Variants in AK9 observed in about 807,000 individuals in gnomAD.
AK9 encodes adenylate kinase 9, also known as adenylate kinase domain containing 1.
AK9 carries 191 observed loss-of-function variants against 239.6 expected under a neutral mutation model. The ratio of observed to expected loss-of-function variants is 0.80; its 90% confidence interval spans 0.71 to 0.90. The LOEUF (loss-of-function observed/expected upper bound fraction) is 0.90, where lower values mean the gene tolerates loss of function less well. AK9 is among the 40% of genes least tolerant of loss of function. AK9 has a pLI of 0.00. For synonymous variants in AK9, 689 were observed against 721.0 expected, an observed-to-expected ratio of 0.96 and a Z score of 0.71; for missense variants, 1,995 against 2,214.7, an observed-to-expected ratio of 0.90 and a Z score of 1.99.
intron 8 of AK9, among the ~76,000 whole-genome samples, chr6:109,653,010 T>G (rs1249240128): frequency 6.6e-6 from 1 of 152,060 alleles, no homozygotes; most frequent in African/African-American, 2.4e-5. Flanking sequence ...CACTGCAACC[T>G]CCACCCACTG....
In AK9 at chr6:109,633,028, C is replaced by G. The variant is rs1796297939; in HGVS notation, c.1149G>C (p.Leu383=). Residue 383 remains leucine, a synonymous_variant, in exon 12 of 41, where the codon CTG becomes CTC. Coordinates refer to ENST00000424296, the MANE Select transcript of AK9 (RefSeq NM_001145128.3). ...KPFLLNPRPY[L]LPPMPGPPCK... ...ATGGTGGTCCTGGCATAGGTGGAAG[C>G]AGATAGGGACGTGGGTTCAACAAAA... 1.9e-6 allele frequency: 3 copies of G among 1,594,594 alleles called. No homozygotes were observed. Among genetic ancestry groups the G allele is most frequent in the Non-Finnish European group, 2.6e-6 (3 of 1,173,752 alleles).
At chr6:109,610,278 C>A in intron 17 of AK9, 87 bp downstream of exon 17, 1 of 1,434,686 alleles carries the variant, frequency 7.0e-7, no homozygotes, top group African/African-American at 1.4e-5. Flanking sequence ...CATCATAAGA[C>A]TCTAAAATAA....
chr6:109,512,100 C>G (rs559712301), intron 32 of AK9, among the ~76,000 whole-genome samples: 63 of 152,208 alleles, frequency 4.1e-4, no homozygotes, highest in Admixed American at 1.8e-3. Flanking sequence ...CAGGAAGAGA[C>G]AGAAGGTCAG....
intron 1 of AK9, among the ~76,000 whole-genome samples, chr6:109,686,770 T>C (rs1043268066): frequency 1.3e-5 from 2 of 152,208 alleles, no homozygotes; most frequent in African/African-American, 2.4e-5. Flanking sequence ...AATGAATGCC[T>C]GGTCATGGGA....
chr6:109,579,568 T>G lies in AK9; in HGVS notation c.2173A>C (p.Met725Leu). Residue 725 changes from methionine to leucine, a missense_variant, in exon 20 of 41, where the codon ATG becomes CTG. Transcript: ENST00000424296. ...EEENRRLLELMKVKAKEAEET... is the reference protein window; with the variant it reads ...EEENRRLLELLKVKAKEAEET... ...TGCTTGCCTTTTGCCTTCACTTTCA[T>G]AAGTTCCAGTAGCCTTCGATTTTCT... The G allele has an allele frequency of 6.4e-7, 1 of 1,551,612 alleles. No individual in the cohort carries two copies. Among genetic ancestry groups the G allele is most frequent in the African/African-American group, 1.4e-5 (1 of 73,130 alleles).
In AK9 at chr6:109,535,714, C is replaced by T. The variant is rs185817654; in HGVS notation, c.3351-2244G>A. ...GTCCTGAATGGTATTGCCTAGGTTTCCTTCTAGGGTTTTTATGGTTTTAGG... is the reference window on the plus strand; with the variant it reads ...GTCCTGAATGGTATTGCCTAGGTTTTCTTCTAGGGTTTTTATGGTTTTAGG... On this transcript the variant is annotated intron_variant, in intron 27 of 40. Coordinates refer to ENST00000424296, the MANE Select transcript of AK9 (RefSeq NM_001145128.3). Among the ~76,000 whole-genome samples the T allele has an allele frequency of 4.9e-4, 74 of 152,042 alleles. 1 individual carries two copies. Among genetic ancestry groups the T allele is most frequent in the African/African-American group, 1.7e-3 (72 of 41,498 alleles).
chr6:109,556,006 C>T (rs1194343621), intron 24 of AK9, among the ~76,000 whole-genome samples: 1 of 152,126 alleles, frequency 6.6e-6, no homozygotes, highest in Non-Finnish European at 1.5e-5. Flanking sequence ...AGCCCATTTA[C>T]ATTTAAGGTT....
intron 24 of AK9, among the ~76,000 whole-genome samples, chr6:109,552,123 T>C (rs1170345292): frequency 6.6e-6 from 1 of 152,216 alleles, no homozygotes; most frequent in Non-Finnish European, 1.5e-5. Flanking sequence ...CAGTCTATCA[T>C]TGATGGGCAT....
chr6:109,601,189 T>C (rs1463320117), intron 17 of AK9, among the ~76,000 whole-genome samples: 1 of 152,214 alleles, frequency 6.6e-6, no homozygotes, highest in Non-Finnish European at 1.5e-5. Context: ...TTTTAGATCT[T>C]GCCTGCTTTC....
intron 12 of AK9, among the ~76,000 whole-genome samples, chr6:109,626,695 C>T (rs981501206): frequency 6.6e-6 from 1 of 152,094 alleles, no homozygotes; most frequent in South Asian, 2.1e-4. Context: ...AACTGTAACA[C>T]AATGTTAAGG....
At chr6:109,542,708 T>A (rs536612147) in intron 26 of AK9, among the ~76,000 whole-genome samples, 1 of 152,216 alleles carries the variant, frequency 6.6e-6, no homozygotes, top group East Asian at 1.9e-4. Context: ...GTGTTGCTTA[T>A]AAACATTTAA....
chr6:109,652,259 T>C (rs1293646304), intron 8 of AK9, among the ~76,000 whole-genome samples: 1 of 152,158 alleles, frequency 6.6e-6, no homozygotes, highest in African/African-American at 2.4e-5. Context: ...CATACGCAAA[T>C]GAATAAATGT....
At chr6:109,580,775 G>GA (rs1255409962) in intron 19 of AK9, among the ~76,000 whole-genome samples, 1 of 152,146 alleles carries the variant, frequency 6.6e-6, no homozygotes, top group Non-Finnish European at 1.5e-5. Context: ...TCGTGACTCA[G>GA]CCCTCTGAGG....
At chr6:109,685,934 G>A (rs1381796885) in intron 1 of AK9, among the ~76,000 whole-genome samples, 1 of 152,158 alleles carries the variant, frequency 6.6e-6, no homozygotes, top group Non-Finnish European at 1.5e-5. Flanking sequence ...GTAGACTTCT[G>A]CAAATTTAAC....
At chr6:109,612,194 C>T (rs760347573) in intron 15 of AK9, 101 bp from the exon 16 acceptor site, 43 of 673,126 alleles carry the variant, frequency 6.4e-5, no homozygotes, top group Non-Finnish European at 1.0e-4. Flanking sequence ...CCAGGACTCA[C>T]ATTCCCAATT....
chr6:109,535,144 T>C (rs1473684380), intron 27 of AK9, among the ~76,000 whole-genome samples: 1 of 152,200 alleles, frequency 6.6e-6, no homozygotes, highest in Non-Finnish European at 1.5e-5. Flanking sequence ...CTGGGTCAAA[T>C]GGTATTTCTA....
chr6:109,687,599 C>T (rs1021603292), intron 1 of AK9, among the ~76,000 whole-genome samples: 1 of 152,136 alleles, frequency 6.6e-6, no homozygotes, highest in African/African-American at 2.4e-5. Flanking sequence ...AAACAGTGAC[C>T]TCAGTCCTAC....
chr6:109,510,694 G>A (rs1019097341), intron 32 of AK9, among the ~76,000 whole-genome samples: 1 of 152,160 alleles, frequency 6.6e-6, no homozygotes, highest in African/African-American at 2.4e-5. Context: ...TGTTTGTCTT[G>A]TTCACTCTTC....
At chr6:109,590,481 A>G (rs1215929734) in intron 17 of AK9, among the ~76,000 whole-genome samples, 1 of 151,968 alleles carries the variant, frequency 6.6e-6, no homozygotes, top group Non-Finnish European at 1.5e-5. Context: ...CTAGCTATCA[A>G]TTTTGCTTAT....
Sources: allele counts gnomAD v4.1 joint callset (sites outside exome capture counted in the v4.1 genomes callset), GRCh38; gene constraint gnomAD v4.1.1; transcripts MANE v1.5; gene names NCBI Gene and HGNC (gene_info 2026-07-23, HGNC 2026-07-21).